Variants in FAM171A1 observed in about 807,000 individuals in gnomAD.
FAM171A1 encodes the protein protein FAM171A1.
Under a neutral mutation model 74.9 loss-of-function variants are expected in FAM171A1, and 23 were observed. The observed-to-expected ratio is 0.31, with a 90% confidence interval of 0.22 to 0.44. The LOEUF (loss-of-function observed/expected upper bound fraction) is 0.44. FAM171A1 is among the 20% of genes least tolerant of loss of function. The pLI is 1.00. For synonymous variants in FAM171A1, 527 were observed against 505.7 expected, an observed-to-expected ratio of 1.04 and a Z score of -0.57; for missense variants, 1,162 against 1,159.2, an observed-to-expected ratio of 1.00 and a Z score of -0.03.
rs117332523 is a variant in FAM171A1, at chr10:15,356,709, G to A, written c.97+14247C>T. Among the ~76,000 whole-genome samples, 367 of 152,270 alleles carry A rather than the reference G, an allele frequency of 2.4e-3. 4 individuals carry two copies. Among genetic ancestry groups the A allele is most frequent in the East Asian group, 0.012 (63 of 5,184 alleles). On this transcript the variant is annotated intron_variant, in intron 1 of 7. Coordinates refer to ENST00000378116, the MANE Select transcript of FAM171A1 (RefSeq NM_001010924.2). ...ATCTGGGCCTTTCGTGGTGGCTCACGTATGTAATCCCAGCACTCTGGGGGG... is the reference window on the plus strand; with the variant it reads ...ATCTGGGCCTTTCGTGGTGGCTCACATATGTAATCCCAGCACTCTGGGGGG...
chr10:15,328,796 C>A (rs6602836), intron 1 of FAM171A1, among the ~76,000 whole-genome samples: 1 of 152,160 alleles, frequency 6.6e-6, no homozygotes, highest in East Asian at 1.9e-4. Flanking sequence ...TTAGGCCCCA[C>A]CAAATACAGG....
intron 1 of FAM171A1, among the ~76,000 whole-genome samples, chr10:15,334,943 T>A (rs922307743): frequency 6.6e-6 from 1 of 152,166 alleles, no homozygotes; most frequent in Non-Finnish European, 1.5e-5. Context: ...AAAATCCCGA[T>A]TCAAGATACA....
At chr10:15,243,376 A>G (rs1834387641) in intron 5 of FAM171A1, among the ~76,000 whole-genome samples, 1 of 152,078 alleles carries the variant, frequency 6.6e-6, no homozygotes, top group African/African-American at 2.4e-5. Flanking sequence ...TGACCGTATA[A>G]GGTAATATCC....
chr10:15,217,562 C>T (rs1390987447), intron 6 of FAM171A1, among the ~76,000 whole-genome samples: 1 of 151,862 alleles, frequency 6.6e-6, no homozygotes, highest in Non-Finnish European at 1.5e-5. Flanking sequence ...CAATGGAGTG[C>T]GAGGAGGGGG....
intron 3 of FAM171A1, among the ~76,000 whole-genome samples, chr10:15,258,086 A>AGT (rs1834604410): frequency 6.6e-6 from 1 of 151,590 alleles, no homozygotes. Context: ...TCTCAGAGAG[A>AGT]GTCTTGCTCT....
intron 1 of FAM171A1, among the ~76,000 whole-genome samples, chr10:15,354,447 G>A (rs1413723599): frequency 6.6e-6 from 1 of 152,046 alleles, no homozygotes; most frequent in East Asian, 1.9e-4. Flanking sequence ...AGCGCACCGA[G>A]ATCACGCCAC....
At chr10:15,312,800 C>T (rs1056948812) in intron 1 of FAM171A1, among the ~76,000 whole-genome samples, 4 of 143,888 alleles carry the variant, frequency 2.8e-5, no homozygotes, top group Non-Finnish European at 6.0e-5. Context: ...GAGGTCTAAG[C>T]GATTCTCCTG....
In FAM171A1 at chr10:15,213,057, G is replaced by A. The variant is rs140008436; in HGVS notation, c.2531C>T (p.Ser844Leu). 2,780 of 1,613,696 alleles carry A rather than the reference G, an allele frequency of 1.7e-3. 5 individuals carry two copies. The highest frequency in any genetic ancestry group is 2.1e-3 in the Non-Finnish European group (2,527 of 1,179,882). Residue 844 changes from serine to leucine, a missense_variant, in exon 8 of 8, where the codon TCG (serine) becomes TTG (leucine). Physicochemically the swap from Ser to Leu is moderately radical, Grantham distance 145. Transcript: ENST00000378116. The surrounding 1 kb of genome is among the most constrained non-coding windows in gnomAD (Gnocchi z 6.8). ...ETTRRTADAP[S>L]EPAASPHQRR... ...CTGGTGGGGGCTGGCTGCTGGCTCC[G>A]AGGGGGCATCCGCAGTCCGTCTGGT...
chr10:15,367,115 C>T (rs529166556), intron 1 of FAM171A1, among the ~76,000 whole-genome samples: 538 of 152,262 alleles, frequency 3.5e-3, no homozygotes, highest in African/African-American at 0.012. Context: ...AGGAGAATGG[C>T]GTGAACCTGG....
intron 1 of FAM171A1, among the ~76,000 whole-genome samples, chr10:15,338,936 G>A (rs1163658923): frequency 1.3e-5 from 2 of 151,906 alleles, no homozygotes; most frequent in Non-Finnish European, 2.9e-5. Flanking sequence ...CTGGGGTTTC[G>A]CCATGTTGGC....
intron 1 of FAM171A1, among the ~76,000 whole-genome samples, chr10:15,366,092 T>C (rs1214454921): frequency 1.3e-5 from 2 of 152,222 alleles, no homozygotes; most frequent in African/African-American, 4.8e-5. Context: ...TTTCATACAA[T>C]TCTTTGGTCG....
At chr10:15,296,573 C>T (rs906786004) in intron 1 of FAM171A1, among the ~76,000 whole-genome samples, 1 of 152,292 alleles carries the variant, frequency 6.6e-6, no homozygotes, top group East Asian at 1.9e-4. Flanking sequence ...AAGGACTGTG[C>T]AGGCATACTT....
intron 3 of FAM171A1, among the ~76,000 whole-genome samples, chr10:15,267,817 A>G (rs535782644): frequency 1.8e-4 from 28 of 152,164 alleles, no homozygotes; most frequent in African/African-American, 6.3e-4. Flanking sequence ...AGGAGGCTGG[A>G]CAGCCACGAC....
rs1835352877 is a variant in FAM171A1 at position 15,310,921 on chromosome 10, G to A, written c.98-26816C>T. On this transcript the variant is annotated intron_variant, in intron 1 of 7. Coordinates refer to ENST00000378116, the MANE Select transcript of FAM171A1 (RefSeq NM_001010924.2). ...CTCTGTACCTGGAAGGCAGCTCTGTGGCAGGATGGACCCCAAGCACGTGGG... is the reference window on the plus strand; with the variant it reads ...CTCTGTACCTGGAAGGCAGCTCTGTAGCAGGATGGACCCCAAGCACGTGGG... Among the ~76,000 whole-genome samples the A allele has an allele frequency of 2.0e-5, 3 of 152,282 alleles. No individual in the cohort carries two copies. In the South Asian group the frequency reaches 6.2e-4, roughly 32 times the overall value.
At chr10:15,236,817 G>A (rs780870449) in intron 5 of FAM171A1, among the ~76,000 whole-genome samples, 2 of 152,172 alleles carry the variant, frequency 1.3e-5, no homozygotes, top group Non-Finnish European at 2.9e-5. Context: ...CAGACTGGGC[G>A]TGGTGGCTCA....
chr10:15,236,995 A>C (rs1247467113), intron 5 of FAM171A1, among the ~76,000 whole-genome samples: 1 of 152,210 alleles, frequency 6.6e-6, no homozygotes, highest in African/African-American at 2.4e-5. Context: ...TGGGAGGCTG[A>C]GGCAGGAGAA....
At chr10:15,332,496 G>T (rs1340445273) in intron 1 of FAM171A1, among the ~76,000 whole-genome samples, 1 of 152,126 alleles carries the variant, frequency 6.6e-6, no homozygotes, top group Non-Finnish European at 1.5e-5. Flanking sequence ...CAGGTTCTGG[G>T]GCGCTGCTTG....
intron 1 of FAM171A1, among the ~76,000 whole-genome samples, chr10:15,313,980 G>C (rs991600044): frequency 6.6e-6 from 1 of 152,218 alleles, no homozygotes; most frequent in African/African-American, 2.4e-5. Flanking sequence ...GCAAGGCAAC[G>C]ACGGGATCTG....
chr10:15,331,860 T>TGTATACATATAC (rs1554755845), intron 1 of FAM171A1, among the ~76,000 whole-genome samples: 629 of 20,428 alleles, frequency 0.031, 10 homozygotes, highest in African/African-American at 0.12. Flanking sequence ...TATATGTGTG[T>TGTATACATATAC]ATATATATGT....
Sources: gnomAD v4.1 joint callset for allele counts (sites outside exome capture counted in the v4.1 genomes callset) on GRCh38, gnomAD v4.1.1 for gene constraint, Gnocchi (gnomAD v3.1) non-coding constraint, MANE v1.5 for transcripts, NCBI Gene and HGNC (gene_info 2026-07-23, HGNC 2026-07-21) for gene names.